The following GYPB variants were observed in gnomAD, a reference collection of about 807,000 sequenced individuals.
GYPB encodes glycophorin-B.
In GYPB, 13 loss-of-function variants were observed where a neutral mutation model predicts 15.3. The observed-to-expected ratio is 0.85, with a 90% confidence interval of 0.55 to 1.35. The LOEUF is 1.35. Ranked by LOEUF, GYPB falls within the 40% of genes most tolerant of loss-of-function variation. The pLI is 0.00. For missense variants in GYPB, 131 were observed against 108.3 expected, an observed-to-expected ratio of 1.21 and a Z score of -0.93; for synonymous variants, 38 against 36.9, an observed-to-expected ratio of 1.03 and a Z score of -0.11.
downstream of GYPB, among the ~76,000 whole-genome samples, chr4:143,995,837 C>G (rs1727285743): frequency 6.6e-6 from 1 of 151,330 alleles, no homozygotes; most frequent in Non-Finnish European, 1.5e-5. Context: ...CTTGTCTTTG[C>G]TTTTTAAATT....
At chr4:144,006,838 TTGTGGTAAAAC>T in intron 1 of GYPB, among the ~76,000 whole-genome samples, 1 of 151,626 alleles carries the variant, frequency 6.6e-6, no homozygotes, top group East Asian at 1.9e-4. Flanking sequence ...CTCAGCTAAT[TTGTGGTAAAAC>T]TGGGACAAAA....
rs1727300020 is a variant in GYPB at position 143,996,212 on chromosome 4, A to G, written c.*87T>C. ...CAGGGGTAGGGGCATAAGCAAAGGA[A>G]TAGCAGGTGCAGCCAGTTTGCATAA... On this transcript the variant is annotated 3_prime_UTR_variant, in exon 5 of 5. Coordinates refer to ENST00000502664, the MANE Select transcript of GYPB (RefSeq NM_002100.6). The G allele has an allele frequency of 6.5e-7, 1 of 1,549,374 alleles. No individual in the cohort carries two copies. The highest frequency in any genetic ancestry group is 8.7e-7 in the Non-Finnish European group (1 of 1,146,378).
rs1413455449 is a variant in GYPB at position 144,012,966 on chromosome 4, A to G, written c.37+6285T>C. Among the ~76,000 whole-genome samples, 3 of 151,798 alleles carry G rather than the reference A, an allele frequency of 2.0e-5. No individual in the cohort carries two copies. In the East Asian group the frequency reaches 5.8e-4, roughly 29 times the overall value. ...AAAAAATAAATTGGACTTGAAAATGAAAAACATTTGTGCATCAAAGGACAC... is the reference window on the plus strand; with the variant it reads ...AAAAAATAAATTGGACTTGAAAATGGAAAACATTTGTGCATCAAAGGACAC... On this transcript the variant is annotated intron_variant, in intron 1 of 4. Transcript: ENST00000502664.
At chr4:144,016,882 C>A in intron 1 of GYPB, 1 of 333,530 alleles carries the variant, frequency 3.0e-6, no homozygotes, top group Non-Finnish European at 5.9e-6. Flanking sequence ...TTGGCTCCAT[C>A]TCCTTGTTCC....
intron 2 of GYPB, 75 bp from the exon 3 acceptor site, chr4:143,999,524 C>T: frequency 1.3e-6 from 1 of 794,982 alleles, no homozygotes; most frequent in Non-Finnish European, 2.2e-6. Context: ...TGGAATCAAA[C>T]TGTTCTGCGG....
rs185218598 is a variant in GYPB, at chr4:144,014,917, T to C, written c.37+4334A>G. On this transcript the variant is annotated intron_variant, in intron 1 of 4. Coordinates refer to ENST00000502664, the MANE Select transcript of GYPB (RefSeq NM_002100.6). ...CCTATATATGGAACCTAACCTGCTGTATATAAATCTAGGGATGGAAATACC... is the reference window on the plus strand; with the variant it reads ...CCTATATATGGAACCTAACCTGCTGCATATAAATCTAGGGATGGAAATACC... 2.0e-5 allele frequency among the ~76,000 whole-genome samples: 3 copies of C among 151,682 alleles called. No individual in the cohort carries two copies. In the East Asian group the frequency reaches 5.8e-4, roughly 29 times the overall value.
intron 1 of GYPB, among the ~76,000 whole-genome samples, chr4:144,007,911 T>C (rs1325498585): frequency 6.6e-6 from 1 of 151,478 alleles, no homozygotes; most frequent in Non-Finnish European, 1.5e-5. Context: ...CAACTGGTAC[T>C]ATAGGTGCAC....
intron 1 of GYPB, among the ~76,000 whole-genome samples, chr4:144,003,984 A>G (rs1727748221): frequency 6.6e-6 from 1 of 151,500 alleles, no homozygotes; most frequent in Admixed American, 6.6e-5. Flanking sequence ...AAGGTAACAC[A>G]TTGACACAAT....
rs1448506878 is a variant in GYPB, at chr4:143,999,042, T to G, written c.175+369A>C. ...CCACCTCAGCCAGCCTCCCAAGCAG[T>G]TGAGACTACAGGTGCATGCCCCATC... On this transcript the variant is annotated intron_variant, in intron 3 of 4. Coordinates refer to ENST00000502664, the MANE Select transcript of GYPB (RefSeq NM_002100.6). 2.6e-5 allele frequency among the ~76,000 whole-genome samples: 4 copies of G among 151,070 alleles called. 1 individual carries two copies. Among genetic ancestry groups the G allele is most frequent in the African/African-American group, 9.9e-5 (4 of 40,450 alleles).
At chr4:143,997,725 T>C (rs1727400789) in intron 3 of GYPB, 91 bp from the exon 4 acceptor site, 1 of 740,282 alleles carries the variant, frequency 1.4e-6, no homozygotes, top group Non-Finnish European at 2.5e-6. Context: ...TAACATCACC[T>C]TGCCTTTTAA....
At chr4:143,997,818 G>C (rs1053211557) in intron 3 of GYPB, among the ~76,000 whole-genome samples, 184 bp from the exon 4 acceptor site, 2 of 151,170 alleles carry the variant, frequency 1.3e-5, no homozygotes, top group Non-Finnish European at 2.9e-5. Context: ...TGGGAAACTG[G>C]GACTGTGAGT....
intron 1 of GYPB, among the ~76,000 whole-genome samples, chr4:144,005,955 G>T (rs1248662675): frequency 6.6e-6 from 1 of 151,482 alleles, no homozygotes; most frequent in Admixed American, 6.6e-5. Flanking sequence ...TGATGTGGAG[G>T]CTTAGGTCAC....
Position 143,997,632 on chromosome 4 carries a change from G to T in GYPB, c.178C>A (p.Pro60Thr). The T allele has an allele frequency of 2.7e-6, 4 of 1,474,804 alleles. No homozygotes were observed. The highest frequency in any genetic ancestry group is 2.8e-6 in the Non-Finnish European group (3 of 1,055,860). 91.4% of individuals were successfully genotyped at this position (1,474,804 alleles called of 1,614,324 possible). Residue 60 changes from proline to threonine, a missense_variant and splice_region_variant, in exon 4 of 5, where the codon CCT (proline) becomes ACT (threonine). Transcript: ENST00000502664. ...QLVHRFTVPA[P>T]VVIILIILCV... Reference sequence around the variant, plus strand: ...AAAATAATGAGTATTATCACTACAGGAGCTAAAGAGAGCAGCAAAATTATG... The same window carrying T: ...AAAATAATGAGTATTATCACTACAGTAGCTAAAGAGAGCAGCAAAATTATG...
Position 144,001,138 on chromosome 4 carries a change from A to G in GYPB, c.136+47T>C, listed in dbSNP as rs758351198. 10 of 1,612,470 alleles carry G rather than the reference A, an allele frequency of 6.2e-6. No homozygotes were observed. The South Asian group carries it at 1.1e-4, about 18-fold the overall frequency. On this transcript the variant is annotated intron_variant, in intron 2 of 4. Coordinates refer to ENST00000502664, the MANE Select transcript of GYPB (RefSeq NM_002100.6). ...GTCCCCTAAAATAGGGTTGCATCAC[A>G]AAAATCATTTCGGAGCCACAATTTA...
chr4:143,996,082 A>C, downstream of GYPB: 1 of 1,292,408 alleles, frequency 7.7e-7, no homozygotes, highest in Non-Finnish European at 1.0e-6. Context: ...TGAAATAACA[A>C]ATCATGACTA....
Position 143,996,187 on chromosome 4 carries a change from C to A in GYPB, c.*112G>T, listed in dbSNP as rs1727298209. ...CAGGAGAACAGGGAATTAGGATAGC[C>A]AGGGGTAGGGGCATAAGCAAAGGAA... On this transcript the variant is annotated 3_prime_UTR_variant, in exon 5 of 5. Coordinates refer to ENST00000502664, the MANE Select transcript of GYPB (RefSeq NM_002100.6). 1.3e-6 allele frequency: 2 copies of A among 1,538,216 alleles called. No individual in the cohort carries two copies. Among genetic ancestry groups the A allele is most frequent in the African/African-American group, 2.8e-5 (2 of 71,070 alleles).
chr4:143,997,998 G>T (rs2667307), intron 3 of GYPB, among the ~76,000 whole-genome samples: 1 of 151,398 alleles, frequency 6.6e-6, no homozygotes, highest in Non-Finnish European at 1.5e-5. Context: ...TAGTTTGGAA[G>T]TTATGAGAGA....
intron 1 of GYPB, among the ~76,000 whole-genome samples, chr4:144,004,426 A>T (rs1727784310): frequency 6.6e-6 from 1 of 151,972 alleles, no homozygotes; most frequent in South Asian, 2.1e-4. Context: ...GGAAGTCTAT[A>T]GTTTACAAAA....
rs140360415 is a variant in GYPB, at chr4:144,001,288, A to G, written c.38-5T>C. ...ATGCTGATATGCTCACAATTTCTGT[A>G]TAAAATAGAAGTTGAGAAAGGGATT... On this transcript the variant is annotated splice_polypyrimidine_tract_variant and splice_region_variant and intron_variant, in intron 1 of 4. Transcript: ENST00000502664. The G allele has an allele frequency of 2.0e-3, 3,190 of 1,611,650 alleles. 226 individuals are homozygous for G. The African/African-American group carries it at 0.039, about 20-fold the overall frequency.
Sources: gnomAD v4.1 joint callset for allele counts (sites outside exome capture counted in the v4.1 genomes callset) on GRCh38, gnomAD v4.1.1 for gene constraint, MANE v1.5 for transcripts, NCBI Gene and HGNC (gene_info 2026-07-23, HGNC 2026-07-21) for gene names.